The following ZEB1 variants were observed in gnomAD, a reference collection of about 807,000 sequenced individuals.
ZEB1 encodes zinc finger E-box-binding homeobox 1.
Under a neutral mutation model 84.9 loss-of-function variants are expected in ZEB1, and 21 were observed. The ratio of observed to expected loss-of-function variants is 0.25; its 90% CI spans 0.18 to 0.36. The LOEUF is 0.36. ZEB1 is among the 10% of genes least tolerant of loss of function. The pLI is 1.00. For missense variants in ZEB1, 1,104 were observed against 1,330.2 expected, an observed-to-expected ratio of 0.83 and a Z score of 2.65; for synonymous variants, 420 against 471.1, an observed-to-expected ratio of 0.89 and a Z score of 1.41.
At chr10:31,442,067 C>G (rs572561627) in intron 1 of ZEB1, among the ~76,000 whole-genome samples, 4 of 152,242 alleles carry the variant, frequency 2.6e-5, no homozygotes, top group African/African-American at 9.6e-5. Context: ...GGTATATACC[C>G]AAAGGATTAT....
At chr10:31,437,288 G>A (rs569853647) in intron 1 of ZEB1, among the ~76,000 whole-genome samples, 7 of 152,054 alleles carry the variant, frequency 4.6e-5, no homozygotes, top group Non-Finnish European at 7.4e-5. Flanking sequence ...CAAAGATTAC[G>A]TATATCTCAG....
chr10:31,319,623 C>T (rs1393617982), intron 1 of ZEB1: 37 of 341,570 alleles, frequency 1.1e-4, no homozygotes, highest in Non-Finnish European at 5.2e-5. Flanking sequence ...CCGGGACGCA[C>T]TGGCCACTTT....
chr10:31,331,081 C>CTTTTTTTTTTTTTTTTTTTTTTTTT (rs548615284), intron 1 of ZEB1, among the ~76,000 whole-genome samples: 27 of 77,848 alleles, frequency 3.5e-4, no homozygotes, highest in Non-Finnish European at 4.4e-4. Flanking sequence ...TTCTTTCTTT[C>CTTTTTTTTTTTTTTTTTTTTTTTTT]TTTTTTTTTT....
chr10:31,451,403 T>C (rs1454991136), intron 1 of ZEB1, among the ~76,000 whole-genome samples: 1 of 152,180 alleles, frequency 6.6e-6, no homozygotes, highest in Admixed American at 6.5e-5. Flanking sequence ...TGGACTGATA[T>C]ATCAATTACA....
chr10:31,424,008 G>GT (rs968938775), intron 1 of ZEB1, among the ~76,000 whole-genome samples: 2 of 151,824 alleles, frequency 1.3e-5, no homozygotes, highest in Non-Finnish European at 2.9e-5. Flanking sequence ...ATTTGCTTTT[G>GT]TTTTTTTGTT....
intron 1 of ZEB1, among the ~76,000 whole-genome samples, chr10:31,364,895 A>G (rs1264651316): frequency 2.0e-5 from 3 of 152,188 alleles, no homozygotes; most frequent in Admixed American, 1.3e-4. Flanking sequence ...CACACCTCGA[A>G]GGAGGTCTTC....
At position 31,340,215 on chromosome 10, in the gene ZEB1, T is replaced by G. The variant is rs1324077644; in HGVS notation, c.58+20923T>G. ...TTATCTAGGATGATTGCATTGTTTGTGGCATCAAGTGTTGTTTCTCCCTTT... is the reference window on the plus strand; with the variant it reads ...TTATCTAGGATGATTGCATTGTTTGGGGCATCAAGTGTTGTTTCTCCCTTT... On this transcript the variant is annotated intron_variant, in intron 1 of 8. Coordinates refer to ENST00000424869, the MANE Select transcript of ZEB1 (RefSeq NM_001174096.2). Among the ~76,000 whole-genome samples, 6 of 152,310 alleles carry G rather than the reference T, an allele frequency of 3.9e-5. No individual in the cohort carries two copies. In the East Asian group the frequency reaches 1.2e-3, roughly 29 times the overall value.
At chr10:31,464,839 G>T (rs2062204793) in intron 2 of ZEB1, among the ~76,000 whole-genome samples, 1 of 152,158 alleles carries the variant, frequency 6.6e-6, no homozygotes, top group Non-Finnish European at 1.5e-5. Flanking sequence ...GAGGGATTTT[G>T]TCACTGTTAA....
At chr10:31,385,708 A>T (rs1272469011) in intron 1 of ZEB1, among the ~76,000 whole-genome samples, 1 of 151,832 alleles carries the variant, frequency 6.6e-6, no homozygotes, top group Non-Finnish European at 1.5e-5. Flanking sequence ...TTGTATTTTT[A>T]GTAGAGATGG....
chr10:31,497,604 G>A (rs1024601692), intron 3 of ZEB1, among the ~76,000 whole-genome samples: 15 of 152,124 alleles, frequency 9.9e-5, no homozygotes, highest in African/African-American at 3.4e-4. Context: ...GTAAAATGAT[G>A]TCCTGCCTTT....
intron 1 of ZEB1, chr10:31,386,998 A>G (rs1218154559): frequency 1.3e-6 from 1 of 771,212 alleles, no homozygotes; most frequent in East Asian, 1.3e-4. Context: ...AGAGAATGTG[A>G]TTTTAAGAAT....
At chr10:31,320,611 TAAAAA>T (rs748774628) in intron 1 of ZEB1, 1 of 150,672 alleles carries the variant, frequency 6.6e-6, no homozygotes, top group Non-Finnish European at 1.5e-5. Flanking sequence ...GCGTGAGAGT[TAAAAA>T]AAAAGAGAGA....
chr10:31,387,042 C>T, intron 1 of ZEB1: 2 of 966,510 alleles, frequency 2.1e-6, no homozygotes, highest in Middle Eastern at 5.3e-4. Context: ...GTTCTCAAAA[C>T]TTCATTTTGT....
chr10:31,448,849 G>T (rs369538277), intron 1 of ZEB1, among the ~76,000 whole-genome samples: 13 of 152,200 alleles, frequency 8.5e-5, no homozygotes, highest in African/African-American at 3.1e-4. Context: ...GTCTGCAGAG[G>T]TTACTGCTGT....
At chr10:31,435,005 C>T (rs756684555) in intron 1 of ZEB1, among the ~76,000 whole-genome samples, 1 of 151,952 alleles carries the variant, frequency 6.6e-6, no homozygotes, top group Non-Finnish European at 1.5e-5. Context: ...TGTCCTAATC[C>T]CTAAAACCTG....
intron 1 of ZEB1, among the ~76,000 whole-genome samples, chr10:31,392,124 G>A (rs1252521112): frequency 6.6e-6 from 1 of 152,114 alleles, no homozygotes; most frequent in Non-Finnish European, 1.5e-5. Flanking sequence ...CAGTTAGTTT[G>A]CTAATGCTTT....
At chr10:31,380,217 A>G (rs920009958) in intron 1 of ZEB1, among the ~76,000 whole-genome samples, 1 of 152,050 alleles carries the variant, frequency 6.6e-6, no homozygotes, top group Non-Finnish European at 1.5e-5. Flanking sequence ...TGTTAATGAA[A>G]AAACTGGGTA....
At chr10:31,500,767 G>T (rs2068005119) in intron 3 of ZEB1, among the ~76,000 whole-genome samples, 2 of 152,148 alleles carry the variant, frequency 1.3e-5, no homozygotes, top group Non-Finnish European at 2.9e-5. Flanking sequence ...AAGGATGCTA[G>T]GAAAGAGTTT....
At chr10:31,365,623 A>C (rs1035422879) in intron 1 of ZEB1, among the ~76,000 whole-genome samples, 1 of 152,236 alleles carries the variant, frequency 6.6e-6, no homozygotes, top group Non-Finnish European at 1.5e-5. Flanking sequence ...TACCAGAGGG[A>C]AAAAAGAAGA....
Sources: allele counts gnomAD v4.1 joint callset (sites outside exome capture counted in the v4.1 genomes callset), GRCh38; gene constraint gnomAD v4.1.1; transcripts MANE v1.5; gene names NCBI Gene and HGNC (gene_info 2026-07-23, HGNC 2026-07-21).